AGBL4: variants seen among roughly 807,000 people sequenced by gnomAD.
AGBL4 encodes AGBL carboxypeptidase 4, also known as cytosolic carboxypeptidase 6.
In AGBL4, 58 loss-of-function variants were observed where a neutral mutation model predicts 66.4. The observed-to-expected ratio is 0.87, with a 90% CI of 0.71 to 1.09. The LOEUF (loss-of-function observed/expected upper bound fraction) is 1.09. Ranked by LOEUF, AGBL4 falls within the 50% of genes least tolerant of loss-of-function variation. AGBL4 has a pLI of 0.00. For missense variants in AGBL4, 579 were observed against 631.0 expected, an observed-to-expected ratio of 0.92 and a Z score of 0.88; for synonymous variants, 234 against 222.9, an observed-to-expected ratio of 1.05 and a Z score of -0.44.
At chr1:49,630,930 G>A (rs1645558401) in intron 3 of AGBL4, among the ~76,000 whole-genome samples, 1 of 152,170 alleles carries the variant, frequency 6.6e-6, no homozygotes, top group Admixed American at 6.5e-5. Flanking sequence ...AGGGACAAGA[G>A]GTGAGAGTAG....
chr1:49,064,460 T>G (rs1644457518), intron 4 of AGBL4, among the ~76,000 whole-genome samples: 1 of 152,228 alleles, frequency 6.6e-6, no homozygotes, highest in Non-Finnish European at 1.5e-5. Context: ...ACCAGATTGT[T>G]AGACTTAAGG....
intron 9 of AGBL4, among the ~76,000 whole-genome samples, chr1:48,613,095 T>C (rs1360398306): frequency 1.3e-5 from 2 of 151,966 alleles, no homozygotes; most frequent in East Asian, 1.9e-4. Flanking sequence ...GATTGCACCA[T>C]TGGACTCCAG....
chr1:49,395,764 C>T (rs201990171), intron 3 of AGBL4, among the ~76,000 whole-genome samples: 23 of 133,342 alleles, frequency 1.7e-4, no homozygotes, highest in African/African-American at 5.6e-4. Context: ...TATATATATA[C>T]ACATATATAT....
chr1:48,745,816 G>C (rs1327425183), intron 6 of AGBL4, among the ~76,000 whole-genome samples: 3 of 152,142 alleles, frequency 2.0e-5, no homozygotes, highest in Non-Finnish European at 4.4e-5. Context: ...GTTGACTTGT[G>C]ACCTTCCTTG....
intron 5 of AGBL4, among the ~76,000 whole-genome samples, chr1:48,935,565 C>T (rs899341399): frequency 6.6e-6 from 1 of 152,074 alleles, no homozygotes; most frequent in African/African-American, 2.4e-5. Context: ...CTTCATCTCT[C>T]AGTTGGGTCT....
At chr1:50,018,290 T>C (rs568158169) in intron 1 of AGBL4, among the ~76,000 whole-genome samples, 27 of 152,246 alleles carry the variant, frequency 1.8e-4, no homozygotes, top group African/African-American at 6.5e-4. Context: ...ACATCTTCCT[T>C]TGAAGTTTTA....
chr1:49,488,454 C>T (rs767680508), intron 3 of AGBL4, among the ~76,000 whole-genome samples: 6 of 151,376 alleles, frequency 4.0e-5, no homozygotes, highest in Middle Eastern at 6.8e-3. Context: ...GATAATGAGA[C>T]ATTTTGATGT....
At chr1:49,971,940 C>T (rs1318144502) in intron 1 of AGBL4, among the ~76,000 whole-genome samples, 6 of 3,424 alleles carry the variant, frequency 1.8e-3, no homozygotes, top group Non-Finnish European at 4.1e-3. Flanking sequence ...TTTGCAGGGA[C>T]GGAGTCTCGC....
intron 2 of AGBL4, among the ~76,000 whole-genome samples, chr1:49,785,316 T>C (rs1290732785): frequency 6.6e-6 from 1 of 152,050 alleles, no homozygotes; most frequent in Non-Finnish European, 1.5e-5. Context: ...ACTAAAAGAA[T>C]GTATGTTAAA....
At chr1:49,661,353 C>T (rs1484604735) in intron 3 of AGBL4, among the ~76,000 whole-genome samples, 1 of 152,082 alleles carries the variant, frequency 6.6e-6, no homozygotes. Flanking sequence ...TGGAATTGGG[C>T]TTAGTGGGAG....
chr1:49,401,498 A>G (rs1645084859), intron 3 of AGBL4, among the ~76,000 whole-genome samples: 1 of 152,188 alleles, frequency 6.6e-6, no homozygotes, highest in Non-Finnish European at 1.5e-5. Flanking sequence ...CCATCTTTGT[A>G]TACCTGCGAT....
intron 6 of AGBL4, among the ~76,000 whole-genome samples, chr1:48,695,249 C>G (rs547177727): frequency 1.3e-5 from 2 of 152,292 alleles, no homozygotes; most frequent in South Asian, 4.1e-4. Context: ...GTTCCTAGTT[C>G]CCCAGCTGGT....
At chr1:49,169,150 G>A (rs1425371338) in intron 4 of AGBL4, among the ~76,000 whole-genome samples, 1 of 152,156 alleles carries the variant, frequency 6.6e-6, no homozygotes, top group South Asian at 2.1e-4. Flanking sequence ...AAGCCAAGTA[G>A]CATTTTAGAC....
At chr1:49,659,022 GA>G (rs1009521554) in intron 3 of AGBL4, among the ~76,000 whole-genome samples, 15 of 151,486 alleles carry the variant, frequency 9.9e-5, no homozygotes, top group African/African-American at 2.7e-4. Context: ...AAAATAAAAA[GA>G]AAAAAAATTT....
chr1:49,275,903 T>C (rs762908370), intron 3 of AGBL4, among the ~76,000 whole-genome samples: 2 of 152,168 alleles, frequency 1.3e-5, no homozygotes, highest in Admixed American at 6.5e-5. Context: ...CCAGTCATTA[T>C]ACCTGCTGAT....
chr1:49,092,388 G>A (rs1645018395), intron 4 of AGBL4, among the ~76,000 whole-genome samples: 1 of 152,128 alleles, frequency 6.6e-6, no homozygotes, highest in South Asian at 2.1e-4. Context: ...GCCAATAACA[G>A]AGCCATCTCT....
At chr1:49,395,830 TGTATATATATATATATATACACACATAA>T (rs1644958277) in intron 3 of AGBL4, among the ~76,000 whole-genome samples, 3 of 77,304 alleles carry the variant, frequency 3.9e-5, no homozygotes, top group East Asian at 2.2e-4. Context: ...TATATATATG[TGTATATATATATATATATACACACATAA>T]ATATATATAT....
chr1:49,057,602 A>G (rs926019585), intron 4 of AGBL4, among the ~76,000 whole-genome samples: 16 of 151,984 alleles, frequency 1.1e-4, no homozygotes, highest in Non-Finnish European at 1.0e-4. Flanking sequence ...CATTCATTCC[A>G]TTCTCCACAC....
chr1:49,990,631 T>C (rs1163797527), intron 1 of AGBL4, among the ~76,000 whole-genome samples: 1 of 152,156 alleles, frequency 6.6e-6, no homozygotes, highest in African/African-American at 2.4e-5. Flanking sequence ...CTGTATACAA[T>C]CTTTATAAAG....
Sources: gnomAD v4.1 joint callset for allele counts (sites outside exome capture counted in the v4.1 genomes callset) on GRCh38, gnomAD v4.1.1 for gene constraint, MANE v1.5 for transcripts, NCBI Gene and HGNC (gene_info 2026-07-23, HGNC 2026-07-21) for gene names.